Variants in UCHL3 observed in about 807,000 individuals in gnomAD.
UCHL3 encodes the protein ubiquitin carboxyl-terminal hydrolase isozyme L3.
UCHL3 carries 22 observed loss-of-function variants against 35.8 expected under a neutral mutation model. The observed-to-expected ratio is 0.61, with a 90% CI of 0.44 to 0.88. UCHL3 has a LOEUF of 0.88. Ranked by LOEUF, UCHL3 falls within the 40% of genes least tolerant of loss-of-function variation. The probability of loss-of-function intolerance (pLI) is 0.00; values close to 1 mark genes in which losing one functional copy is unlikely to be tolerated. For synonymous variants in UCHL3, 90 were observed against 92.8 expected, an observed-to-expected ratio of 0.97 and a Z score of 0.17; for missense variants, 229 against 276.9, an observed-to-expected ratio of 0.83 and a Z score of 1.23.
intron 2 of UCHL3, among the ~76,000 whole-genome samples, chr13:75,558,426 C>G (rs772412344): frequency 1.3e-5 from 2 of 152,156 alleles, no homozygotes; most frequent in African/African-American, 2.4e-5. Context: ...CTAACTGTGA[C>G]TTTTAGTTTG....
intron 6 of UCHL3, among the ~76,000 whole-genome samples, chr13:75,580,453 CATTT>C (rs1375721713): frequency 1.3e-5 from 2 of 152,188 alleles, no homozygotes; most frequent in Non-Finnish European, 2.9e-5. Context: ...TGTGTACACA[CATTT>C]ATAATCTAAT....
chr13:75,575,915 C>G (rs1186854969), intron 6 of UCHL3, among the ~76,000 whole-genome samples: 5 of 151,966 alleles, frequency 3.3e-5, no homozygotes, highest in African/African-American at 9.7e-5. Flanking sequence ...CCACACCCAG[C>G]TAATTTTTAT....
At chr13:75,573,830 G>A (rs1294380877) in intron 6 of UCHL3, among the ~76,000 whole-genome samples, 2 of 152,136 alleles carry the variant, frequency 1.3e-5, no homozygotes, top group African/African-American at 4.8e-5. Context: ...CCATAACACC[G>A]TCTTTGTGCT....
chr13:75,563,920 CTGTGTG>C (rs58677064), intron 3 of UCHL3, among the ~76,000 whole-genome samples: 113 of 149,474 alleles, frequency 7.6e-4, no homozygotes, highest in African/African-American at 2.5e-3. Context: ...AATAATATTT[CTGTGTG>C]TGTGTGTGTG....
intron 3 of UCHL3, among the ~76,000 whole-genome samples, chr13:75,561,766 T>C (rs767938373): frequency 2.0e-5 from 3 of 150,918 alleles, no homozygotes; most frequent in Admixed American, 6.6e-5. Context: ...TAGAATGATA[T>C]ATGTGTATGT....
chr13:75,569,353 G>T, intron 5 of UCHL3, 107 bp from the exon 6 acceptor site: 2 of 775,126 alleles, frequency 2.6e-6, no homozygotes, highest in Non-Finnish European at 4.1e-6. Context: ...CCTTCAATTT[G>T]TTGTTTCTTT....
At chr13:75,577,994 A>G (rs1375842709) in intron 6 of UCHL3, among the ~76,000 whole-genome samples, 1 of 152,180 alleles carries the variant, frequency 6.6e-6, no homozygotes, top group African/African-American at 2.4e-5. Flanking sequence ...TAATAATGAA[A>G]AATAACAGCA....
intron 3 of UCHL3, among the ~76,000 whole-genome samples, chr13:75,562,338 T>G (rs902697823): frequency 6.6e-6 from 1 of 152,152 alleles, no homozygotes; most frequent in Non-Finnish European, 1.5e-5. Flanking sequence ...GTTAGGAATT[T>G]CTTACTGATT....
intron 7 of UCHL3, among the ~76,000 whole-genome samples, chr13:75,596,213 G>A (rs544333615): frequency 2.0e-5 from 3 of 152,240 alleles, no homozygotes; most frequent in Non-Finnish European, 4.4e-5. Flanking sequence ...CTATCAAAGG[G>A]GACAAGGAAA....
At position 75,561,814 on chromosome 13, in the gene UCHL3, T is replaced by TATACATATATAC. The variant is rs1407288695; in HGVS notation, c.183+937_183+938insATATATACATAC. Among the ~76,000 whole-genome samples the TATACATATATAC allele has an allele frequency of 2.0e-3, 66 of 32,968 alleles. 4 individuals carry two copies. Among genetic ancestry groups the TATACATATATAC allele is most frequent in the South Asian group, 8.5e-3 (10 of 1,172 alleles). The allele number at this position is 32,968 out of a possible 152,430, so 21.6% of individuals were successfully genotyped here. On this transcript the variant is annotated intron_variant, in intron 3 of 8. Coordinates refer to ENST00000377595, the MANE Select transcript of UCHL3 (RefSeq NM_006002.5). ...GTATATATGTATACGTATACATACG[T>TATACATATATAC]ATACGTATATACGTACGTATATACG...
chr13:75,597,343 C>A (rs1381688671), intron 7 of UCHL3, among the ~76,000 whole-genome samples: 1 of 151,586 alleles, frequency 6.6e-6, no homozygotes, highest in Non-Finnish European at 1.5e-5. Flanking sequence ...ACACTTCTGC[C>A]TGGGTGACAT....
Position 75,604,723 on chromosome 13 carries a change from C to T in UCHL3, c.551-46C>T, listed in dbSNP as rs748110353. ...AAAATGGAAGTTGAAAGCACATTAT[C>T]CTGTAAAAACAGCTAAGCATTCAAT... On this transcript the variant is annotated intron_variant, in intron 7 of 8. Transcript: ENST00000377595. The T allele has an allele frequency of 3.3e-6, 5 of 1,522,792 alleles. No homozygotes were observed. In the African/African-American group the frequency reaches 4.2e-5, roughly 13 times the overall value. The allele number at this position is 1,522,792 out of a possible 1,614,324, so 94.3% of individuals were successfully genotyped here.
intron 6 of UCHL3, among the ~76,000 whole-genome samples, chr13:75,579,344 T>C (rs2032114374): frequency 6.6e-6 from 1 of 152,110 alleles, no homozygotes; most frequent in Non-Finnish European, 1.5e-5. Context: ...TCTTTGTTTT[T>C]CTTTACTTTT....
rs749816740 is a variant in UCHL3, at chr13:75,567,265, G to T, written c.379G>T (p.Val127Leu). 2 of 1,614,012 alleles carry T rather than the reference G, an allele frequency of 1.2e-6. No individual in the cohort carries two copies. Among genetic ancestry groups the T allele is most frequent in the Admixed American group, 1.7e-5 (1 of 60,006 alleles). ...CTTGAAAAAATTCCTGGAGGAATCT[G>T]TGTCAATGAGCCCTGAAGAACGAGC... ...STLKKFLEES[V>L]SMSPEERARY... is the part of the protein sequence containing the mutation. Residue 127 changes from valine to leucine, a missense_variant, in exon 5 of 9, where the codon GTG (valine) becomes TTG (leucine). Val to Leu is a conservative substitution (Grantham distance 32). Transcript: ENST00000377595.
intron 6 of UCHL3, among the ~76,000 whole-genome samples, chr13:75,576,590 G>A (rs1368998711): frequency 3.3e-5 from 5 of 152,122 alleles, no homozygotes; most frequent in East Asian, 1.9e-4. Context: ...TCCTGACCTC[G>A]TGATCCACCC....
intron 6 of UCHL3, among the ~76,000 whole-genome samples, chr13:75,585,662 A>G (rs970192889): frequency 1.3e-5 from 2 of 152,128 alleles, no homozygotes; most frequent in Non-Finnish European, 2.9e-5. Context: ...GATGATTAGG[A>G]TTACTAAATC....
At chr13:75,550,084 G>T in intron 2 of UCHL3, 97 bp downstream of exon 2, 1 of 1,587,270 alleles carries the variant, frequency 6.3e-7, no homozygotes, top group South Asian at 1.1e-5. Context: ...CAGGGATTCT[G>T]GGATTTAATT....
rs546657200 is a variant in UCHL3, at chr13:75,592,415, CATATATATATATATAT to C, written c.475-2463_475-2448del. Among the ~76,000 whole-genome samples the C allele has an allele frequency of 2.6e-3, 107 of 40,628 alleles. 2 individuals carry two copies. The highest frequency in any genetic ancestry group is 5.2e-3 in the African/African-American group (39 of 7,566). 26.7% of individuals were successfully genotyped at this position (40,628 alleles called of 152,430 possible). ...TAAAGTGGAATTTTAATTTTTCCTT[CATATATATATATATAT>C]ATATATATATATATATATATATATA... is the stretch of plus-strand genomic sequence containing the variant. On this transcript the variant is annotated intron_variant, in intron 6 of 8. Transcript: ENST00000377595.
intron 6 of UCHL3, among the ~76,000 whole-genome samples, chr13:75,593,838 A>C (rs1402761777): frequency 3.3e-5 from 5 of 152,220 alleles, no homozygotes; most frequent in African/African-American, 1.2e-4. Flanking sequence ...CAATATCTGC[A>C]TCAGAAAACT....
Sources: gnomAD v4.1 joint callset for allele counts (sites outside exome capture counted in the v4.1 genomes callset) on GRCh38, gnomAD v4.1.1 for gene constraint, MANE v1.5 for transcripts, NCBI Gene and HGNC (gene_info 2026-07-23, HGNC 2026-07-21) for gene names.